Variants in RPTOR observed in about 807,000 individuals in gnomAD.
The protein encoded by RPTOR is regulatory-associated protein of mTOR.
Under a neutral mutation model 169.9 loss-of-function variants are expected in RPTOR, and 21 were observed. That is an observed-to-expected ratio of 0.12 (90% CI 0.09 to 0.18). The LOEUF is 0.18. Among genes scored for constraint, RPTOR ranks in the 10% least tolerant of loss-of-function variants. The pLI is 1.00. For synonymous variants in RPTOR, 732 were observed against 753.2 expected (o/e 0.97, Z 0.46); for missense variants, 1,133 against 1,855.9 (o/e 0.61, Z 7.16).
chr17:80,924,122 G>A (rs771936484), intron 23 of RPTOR: 1 of 182,042 alleles, frequency 5.5e-6, no homozygotes, highest in Non-Finnish European at 1.1e-5. Context: ...GAACATCCAA[G>A]TACGCTGCAT....
Position 80,892,755 on chromosome 17 carries a change from G to A in RPTOR, c.2128G>A (p.Asp710Asn), listed in dbSNP as rs1399643636. The change falls in exon 19 of 34, where the codon GAC (aspartate) becomes AAC (asparagine). Residue 710 changes from aspartate (D) to asparagine (N), a missense_variant. Physicochemically the swap from Asp to Asn is conservative, Grantham distance 23 (BLOSUM62 1). Transcript: ENST00000306801. The stretch of plus-strand genomic sequence containing the variant: ...GGGAGGGAGTTTGACCCCAGTGCGA[G>A]ACAGCCCGTGCACCCCCAGACTTCG... ...TEGGSLTPVR[D>N]SPCTPRLRSV... 15 of 1,614,030 alleles carry A rather than the reference G, an allele frequency of 9.3e-6. No individual in the cohort carries two copies. The highest frequency in any genetic ancestry group is 1.3e-5 in the Non-Finnish European group (15 of 1,180,020).
rs1457146890 is a variant in RPTOR at position 80,695,039 on chromosome 17, C to T, written c.349-12802C>T. On this transcript the variant is annotated intron_variant, in intron 3 of 33. Coordinates refer to ENST00000306801, the MANE Select transcript of RPTOR (RefSeq NM_020761.3). This position sits in a 1 kb window ranked among gnomAD's most constrained non-coding sequence, Gnocchi z 4.9. Reference sequence around the variant, plus strand: ...GAAGCCTGGGGGCTGAGCTGGGCTGCCTGGCTTTGACATGGGCCTGTGCGG... The same window carrying T: ...GAAGCCTGGGGGCTGAGCTGGGCTGTCTGGCTTTGACATGGGCCTGTGCGG... 6.6e-6 allele frequency among the ~76,000 whole-genome samples: 1 copy of T among 152,180 alleles called. No homozygotes were observed. Among genetic ancestry groups the T allele is most frequent in the Non-Finnish European group, 1.5e-5 (1 of 68,018 alleles).
chr17:80,803,773 G>A lies in RPTOR; in HGVS notation c.890+12264G>A, dbSNP rs1256090991. On this transcript the variant is annotated intron_variant, in intron 7 of 33. Coordinates refer to ENST00000306801, the MANE Select transcript of RPTOR (RefSeq NM_020761.3). This position sits in a 1 kb window ranked among gnomAD's most constrained non-coding sequence, Gnocchi z 6.2. ...GGGAAGAAACGCACATAAGAGGAGT[G>A]TGAATGTACCAGGAGAGCCATGTGA... 1.3e-5 allele frequency: 2 copies of A among 152,272 alleles called. No individual in the cohort carries two copies. Among genetic ancestry groups the A allele is most frequent in the East Asian group, 3.9e-4 (2 of 5,192 alleles). 9.4% of individuals were successfully genotyped at this position (152,272 alleles called of 1,614,324 possible). A position where few individuals can be genotyped will look rare whatever the true frequency, so the allele number is the denominator to read the frequency against.
chr17:80,928,054 T>C (rs2068833765), intron 24 of RPTOR, among the ~76,000 whole-genome samples: 1 of 152,178 alleles, frequency 6.6e-6, no homozygotes, highest in Admixed American at 6.5e-5. Context: ...CCCTGCCAAG[T>C]ATTTGAAAAC....
chr17:80,849,479 C>A (rs1455064616), intron 11 of RPTOR, among the ~76,000 whole-genome samples: 1 of 152,146 alleles, frequency 6.6e-6, no homozygotes, highest in African/African-American at 2.4e-5. Flanking sequence ...AAGGAAGATA[C>A]AATGTTTAAA....
At chr17:80,662,181 T>C (rs1341505726) in intron 3 of RPTOR, among the ~76,000 whole-genome samples, 2 of 152,158 alleles carry the variant, frequency 1.3e-5, no homozygotes, top group East Asian at 3.8e-4. Context: ...GAAAGCTCCC[T>C]CAGCCCCCTT....
At chr17:80,893,673 G>C (rs1168152580) in intron 19 of RPTOR, 34 bp from the exon 20 acceptor site, 1 of 1,590,386 alleles carries the variant, frequency 6.3e-7, no homozygotes, top group African/African-American at 1.4e-5. Flanking sequence ...AGGGTCCCGG[G>C]AGCACCCCAC....
At chr17:80,638,923 G>A (rs2065530626) in intron 2 of RPTOR, among the ~76,000 whole-genome samples, 1 of 152,206 alleles carries the variant, frequency 6.6e-6, no homozygotes, top group Non-Finnish European at 1.5e-5. Flanking sequence ...TCTCGCTCCT[G>A]TACGGCTCCC....
Position 80,850,611 on chromosome 17 carries a change from T to C in RPTOR, c.1314+4037T>C, listed in dbSNP as rs144694187. Among the ~76,000 whole-genome samples, 161 of 152,342 alleles carry C rather than the reference T, an allele frequency of 1.1e-3. 1 individual carries two copies. Among genetic ancestry groups the C allele is most frequent in the Non-Finnish European group, 2.0e-3 (138 of 68,032 alleles). On this transcript the variant is annotated intron_variant, in intron 11 of 33. Transcript: ENST00000306801. ...TATAGGATGAAGTTTTAGTCCCTTT[T>C]CCTAGATGTCACAGATCAGTGTGAG...
chr17:80,882,051 A>T (rs868762550), intron 14 of RPTOR, among the ~76,000 whole-genome samples: 35 of 152,360 alleles, frequency 2.3e-4, no homozygotes, highest in African/African-American at 8.2e-4. Context: ...ATGCACTGTT[A>T]TTGAAAACTC....
intron 1 of RPTOR, among the ~76,000 whole-genome samples, chr17:80,556,529 A>G (rs902652149): frequency 6.6e-6 from 1 of 152,088 alleles, no homozygotes; most frequent in Non-Finnish European, 1.5e-5. Flanking sequence ...AAACAGCAAG[A>G]AAAGAAACCT....
intron 3 of RPTOR, among the ~76,000 whole-genome samples, chr17:80,672,802 AACAG>A (rs930432928): frequency 2.0e-5 from 3 of 151,842 alleles, no homozygotes; most frequent in African/African-American, 7.3e-5. Flanking sequence ...AAAACAAACA[AACAG>A]ACTTCTCAAC....
At chr17:80,691,475 C>T (rs1436872739) in intron 3 of RPTOR, among the ~76,000 whole-genome samples, 5 of 151,222 alleles carry the variant, frequency 3.3e-5, no homozygotes, top group Non-Finnish European at 5.9e-5. Flanking sequence ...TCAGTGTGTG[C>T]GCATAGGTGT....
At chr17:80,913,078 C>T (rs965889320) in intron 21 of RPTOR, among the ~76,000 whole-genome samples, 19 of 152,136 alleles carry the variant, frequency 1.2e-4, no homozygotes, top group African/African-American at 4.6e-4. Context: ...GTAAACATTG[C>T]TACTAAAGCA....
At chr17:80,852,648 C>T (rs1237194340) in intron 11 of RPTOR, among the ~76,000 whole-genome samples, 4 of 152,130 alleles carry the variant, frequency 2.6e-5, no homozygotes, top group African/African-American at 9.7e-5. Context: ...GGGATCCCCT[C>T]CATACCCCAT....
rs112078705 is a variant in RPTOR at position 80,926,652 on chromosome 17, C to T, written c.2919+1172C>T. On this transcript the variant is annotated intron_variant, in intron 24 of 33. Coordinates refer to ENST00000306801, the MANE Select transcript of RPTOR (RefSeq NM_020761.3). ...CATTAAAAATAGTGTCCTAAGGAAG[C>T]GCTCATGACAACATTCCTTAAAAAG... is the stretch of plus-strand genomic sequence containing the variant. Among the ~76,000 whole-genome samples, 899 of 152,302 alleles carry T rather than the reference C, an allele frequency of 5.9e-3. 5 individuals are homozygous for T. Among genetic ancestry groups the T allele is most frequent in the African/African-American group, 0.021 (855 of 41,560 alleles).
chr17:80,931,041 TAG>T (rs1230840501), intron 24 of RPTOR, among the ~76,000 whole-genome samples: 2 of 152,216 alleles, frequency 1.3e-5, no homozygotes, highest in Non-Finnish European at 2.9e-5. Context: ...CGTGCATTCT[TAG>T]AGAGTTTCAT....
chr17:80,806,676 C>T (rs922335021), intron 7 of RPTOR, among the ~76,000 whole-genome samples: 3 of 152,192 alleles, frequency 2.0e-5, no homozygotes, highest in African/African-American at 7.2e-5. Context: ...AGTCGTTTTC[C>T]AAGAACAACC....
chr17:80,695,491 C>T lies in RPTOR; in HGVS notation c.349-12350C>T, dbSNP rs1303674481. The stretch of plus-strand genomic sequence containing the variant: ...TACAGAGGGGCAGGTGGGTGGCTCA[C>T]GTGTGGGCTCACCTGCGTCACTTCT... On this transcript the variant is annotated intron_variant, in intron 3 of 33. Transcript: ENST00000306801. This position sits in a 1 kb window ranked among gnomAD's most constrained non-coding sequence, Gnocchi z 4.9. 1.3e-5 allele frequency among the ~76,000 whole-genome samples: 2 copies of T among 152,130 alleles called. No individual in the cohort carries two copies. The highest frequency in any genetic ancestry group is 2.4e-5 in the African/African-American group (1 of 41,418).
Sources: allele counts gnomAD v4.1 joint callset (sites outside exome capture counted in the v4.1 genomes callset), GRCh38; gene constraint gnomAD v4.1.1; non-coding constraint Gnocchi (gnomAD v3.1); transcripts MANE v1.5; gene names NCBI Gene and HGNC (gene_info 2026-07-23, HGNC 2026-07-21).